NAV2: variants seen among roughly 807,000 people sequenced by gnomAD.
The protein encoded by NAV2 is neuron navigator 2.
NAV2 carries 54 observed loss-of-function variants against 223.2 expected under a neutral mutation model. The ratio of observed to expected loss-of-function variants is 0.24; its 90% CI spans 0.19 to 0.30. NAV2 has a LOEUF of 0.30. Among genes scored for constraint, NAV2 ranks in the 10% least tolerant of loss-of-function variants. NAV2 has a pLI of 1.00. For synonymous variants in NAV2, 1,279 were observed against 1,239.3 expected (o/e 1.03, Z -0.67); for missense variants, 2,806 against 3,147.5 (o/e 0.89, Z 2.60).
chr11:19,885,608 CT>C lies in NAV2; in HGVS notation c.770+5483del, dbSNP rs897397734. ...TCTTGGTTCACAGTATGAATTTACT[CT>C]TGTTTAAATTAATGAAGTATTAAAC... On this transcript the variant is annotated intron_variant, in intron 5 of 37. Coordinates refer to ENST00000349880, the MANE Select transcript of NAV2 (RefSeq NM_145117.5). Among the ~76,000 whole-genome samples the C allele has an allele frequency of 6.6e-5, 10 of 152,262 alleles. 1 individual carries two copies. The East Asian group carries it at 1.2e-3, about 18-fold the overall frequency.
At chr11:19,411,002 C>T (rs998917290) in intron 1 of NAV2, among the ~76,000 whole-genome samples, 2 of 152,170 alleles carry the variant, frequency 1.3e-5, no homozygotes, top group African/African-American at 4.8e-5. Flanking sequence ...ACCTCTGTTG[C>T]ATGGGAAAGG....
At chr11:20,096,259 A>G (rs1011176668) in intron 30 of NAV2, among the ~76,000 whole-genome samples, 1 of 151,450 alleles carries the variant, frequency 6.6e-6, no homozygotes, top group Non-Finnish European at 1.5e-5. Flanking sequence ...GCCAGGCTCA[A>G]GGATGTTGCC....
chr11:19,779,233 G>A (rs1469525661), intron 1 of NAV2, among the ~76,000 whole-genome samples: 1 of 152,184 alleles, frequency 6.6e-6, no homozygotes, highest in African/African-American at 2.4e-5. Context: ...CCCATGAGGT[G>A]GAGGAAGGGC....
intron 2 of NAV2, among the ~76,000 whole-genome samples, chr11:19,839,333 G>A (rs1325584521): frequency 1.3e-5 from 2 of 152,174 alleles, no homozygotes; most frequent in Admixed American, 1.3e-4. Flanking sequence ...AAAGCAGGGA[G>A]CGAGAGAGAA....
At chr11:19,377,367 T>C (rs557986533) in intron 1 of NAV2, among the ~76,000 whole-genome samples, 2 of 152,262 alleles carry the variant, frequency 1.3e-5, no homozygotes, top group South Asian at 4.1e-4. Context: ...CCTTTGACCA[T>C]CTTGTCCATC....
chr11:19,717,689 T>C (rs1339585478), intron 1 of NAV2, among the ~76,000 whole-genome samples: 2 of 152,246 alleles, frequency 1.3e-5, no homozygotes, highest in African/African-American at 4.8e-5. Context: ...ATCATCATTC[T>C]GAATGTGCAG....
chr11:19,968,553 T>C (rs1435747950), intron 10 of NAV2, among the ~76,000 whole-genome samples: 1 of 152,196 alleles, frequency 6.6e-6, no homozygotes, highest in Admixed American at 6.5e-5. Flanking sequence ...AAACATGTTT[T>C]ACTGTTGAAT....
At chr11:19,934,967 AGCCAGTCCACACAGTGGT>A in intron 7 of NAV2, among the ~76,000 whole-genome samples, 1 of 152,226 alleles carries the variant, frequency 6.6e-6, no homozygotes, top group South Asian at 2.1e-4. Context: ...GACTGTGTGG[AGCCAGTCCACACAGTGGT>A]GCTGCTGCTC....
intron 1 of NAV2, among the ~76,000 whole-genome samples, chr11:19,491,877 G>C (rs1048012790): frequency 2.0e-5 from 3 of 151,798 alleles, no homozygotes; most frequent in Non-Finnish European, 4.4e-5. Context: ...CCTTTCACTT[G>C]AACACTTAGA....
chr11:19,821,327 A>C (rs914267054), intron 1 of NAV2, among the ~76,000 whole-genome samples: 1 of 151,158 alleles, frequency 6.6e-6, no homozygotes, highest in Non-Finnish European at 1.5e-5. Flanking sequence ...TGAGGTGTGG[A>C]TGAAGCAGGC....
chr11:19,622,708 C>T (rs953915979), intron 1 of NAV2, among the ~76,000 whole-genome samples: 1 of 152,148 alleles, frequency 6.6e-6, no homozygotes, highest in African/African-American at 2.4e-5. Flanking sequence ...TGGGTCTTGA[C>T]TCTTTATGCA....
Position 20,075,226 on chromosome 11 carries a change from T to TG in NAV2, c.4984-2326_4984-2325insG, listed in dbSNP as rs1173892291. 9.5e-4 allele frequency among the ~76,000 whole-genome samples: 135 copies of TG among 142,558 alleles called. 1 individual carries two copies. The highest frequency in any genetic ancestry group is 3.7e-3 in the African/African-American group (121 of 33,072). 93.5% of individuals were successfully genotyped at this position (142,558 alleles called of 152,430 possible). ...TGTTTTTTGTTTTTTTGTTTTGTTTTTTTTTTTTTTGAGACAGAGTCTCAT... is the reference window on the plus strand; with the variant it reads ...TGTTTTTTGTTTTTTTGTTTTGTTTTGTTTTTTTTTTGAGACAGAGTCTCAT... On this transcript the variant is annotated intron_variant, in intron 22 of 37. Coordinates refer to ENST00000349880, the MANE Select transcript of NAV2 (RefSeq NM_145117.5).
At chr11:19,724,735 G>A (rs1185677404) in intron 1 of NAV2, among the ~76,000 whole-genome samples, 1 of 152,214 alleles carries the variant, frequency 6.6e-6, no homozygotes, top group Non-Finnish European at 1.5e-5. Flanking sequence ...GAGGAGGTCA[G>A]TAACTTGACC....
At chr11:20,092,421 G>A (rs1292284621) in intron 28 of NAV2, 53 bp downstream of exon 28, 12 of 1,561,378 alleles carry the variant, frequency 7.7e-6, no homozygotes, top group Non-Finnish European at 9.6e-6. Flanking sequence ...CTGGCACCCT[G>A]ATCTCTAAGC....
chr11:19,587,466 G>A (rs991670420), intron 1 of NAV2, among the ~76,000 whole-genome samples: 4 of 152,154 alleles, frequency 2.6e-5, no homozygotes, highest in East Asian at 3.9e-4. Context: ...CTTCTGCGTC[G>A]CTCATGCTAG....
intron 28 of NAV2, 141 bp downstream of exon 28, chr11:20,092,509 C>T (rs1002054861): frequency 4.9e-6 from 4 of 821,036 alleles, no homozygotes; most frequent in Non-Finnish European, 7.6e-6. Flanking sequence ...GTGTATGTGT[C>T]TGGGTGTGAG....
intron 11 of NAV2, among the ~76,000 whole-genome samples, chr11:19,991,096 T>C (rs1202339582): frequency 6.6e-6 from 1 of 152,170 alleles, no homozygotes; most frequent in Non-Finnish European, 1.5e-5. Flanking sequence ...GTGAAAGTGT[T>C]TTTGCGAAGC....
Position 19,812,285 on chromosome 11 carries a change from A to G in NAV2, c.268-20199A>G, listed in dbSNP as rs1048284646. On this transcript the variant is annotated intron_variant, in intron 1 of 37. Transcript: ENST00000349880. ...GCCTTTGCATGGTTGCTCTCTTCTT[A>G]TCAGTTGGGTCTCTAATCAAATATT... Among the ~76,000 whole-genome samples, 3 of 151,986 alleles carry G rather than the reference A, an allele frequency of 2.0e-5. 1 individual carries two copies. Among genetic ancestry groups the G allele is most frequent in the Non-Finnish European group, 4.4e-5 (3 of 67,996 alleles).
chr11:20,064,180 A>G (rs1226612579), intron 20 of NAV2, among the ~76,000 whole-genome samples: 2 of 152,198 alleles, frequency 1.3e-5, no homozygotes, highest in Non-Finnish European at 2.9e-5. Context: ...TAGATAAACT[A>G]TGTCCTTTCT....
Sources: allele counts gnomAD v4.1 joint callset (sites outside exome capture counted in the v4.1 genomes callset), GRCh38; gene constraint gnomAD v4.1.1; transcripts MANE v1.5; gene names NCBI Gene and HGNC (gene_info 2026-07-23, HGNC 2026-07-21).